LUZP2: variants seen among roughly 807,000 people sequenced by gnomAD.
LUZP2 encodes the protein leucine zipper protein 2.
LUZP2 carries 52 observed loss-of-function variants against 51.6 expected under a neutral mutation model. That is an observed-to-expected ratio of 1.01 (90% CI 0.81 to 1.27). The LOEUF is 1.27. Ranked by LOEUF, LUZP2 falls within the 50% of genes most tolerant of loss-of-function variation. The pLI, the probability that LUZP2 is intolerant of heterozygous loss-of-function variation, is 0.00. For synonymous variants in LUZP2, 154 were observed against 137.3 expected, an observed-to-expected ratio of 1.12 and a Z score of -0.85; for missense variants, 436 against 395.4, an observed-to-expected ratio of 1.10 and a Z score of -0.87.
chr11:24,575,020 C>G (rs1271649254), intron 1 of LUZP2, among the ~76,000 whole-genome samples: 1 of 152,092 alleles, frequency 6.6e-6, no homozygotes, highest in African/African-American at 2.4e-5. Flanking sequence ...ATAGATTACT[C>G]TTTGCAAAGT....
chr11:24,763,840 T>G (rs1353960717), intron 5 of LUZP2, among the ~76,000 whole-genome samples: 1 of 152,204 alleles, frequency 6.6e-6, no homozygotes, highest in Non-Finnish European at 1.5e-5. Flanking sequence ...TTACTTTAAT[T>G]TTTTATAATT....
At chr11:24,512,959 C>T (rs185213715) in intron 1 of LUZP2, among the ~76,000 whole-genome samples, 196 of 152,124 alleles carry the variant, frequency 1.3e-3, no homozygotes, top group Non-Finnish European at 2.0e-3. Context: ...GGTTTCACCA[C>T]GTTGCCCAGG....
chr11:24,756,660 T>A (rs1859788003), intron 4 of LUZP2, among the ~76,000 whole-genome samples: 1 of 152,168 alleles, frequency 6.6e-6, no homozygotes, highest in South Asian at 2.1e-4. Context: ...TTTCTTCTGC[T>A]CCCATACCAC....
At chr11:24,998,346 A>C (rs1401271189) in intron 9 of LUZP2, among the ~76,000 whole-genome samples, 8 of 152,064 alleles carry the variant, frequency 5.3e-5, no homozygotes, top group Admixed American at 5.2e-4. Flanking sequence ...GTCCCTTGTA[A>C]GTTGGATTCT....
chr11:24,609,136 C>T (rs1854033326), intron 1 of LUZP2, among the ~76,000 whole-genome samples: 1 of 152,086 alleles, frequency 6.6e-6, no homozygotes, highest in Non-Finnish European at 1.5e-5. Flanking sequence ...ACTACCGAGG[C>T]ACTGACCACC....
At chr11:24,982,126 T>A (rs969113610) in intron 8 of LUZP2, among the ~76,000 whole-genome samples, 5 of 151,796 alleles carry the variant, frequency 3.3e-5, no homozygotes, top group African/African-American at 1.2e-4. Flanking sequence ...GGTTGTGAGG[T>A]TGCAGAGAAA....
At chr11:24,657,750 G>A (rs1456455647) in intron 1 of LUZP2, among the ~76,000 whole-genome samples, 2 of 152,078 alleles carry the variant, frequency 1.3e-5, no homozygotes. Flanking sequence ...CAAAATCAAT[G>A]TACAAAAATC....
chr11:25,010,728 T>TGTGTG (rs1856961003), intron 9 of LUZP2, among the ~76,000 whole-genome samples: 1 of 151,900 alleles, frequency 6.6e-6, no homozygotes, highest in African/African-American at 2.4e-5. Context: ...ACACATGTAG[T>TGTGTG]CCCAGCTACT....
intron 7 of LUZP2, among the ~76,000 whole-genome samples, chr11:24,919,986 G>C (rs920841410): frequency 6.6e-6 from 1 of 151,730 alleles, no homozygotes; most frequent in Non-Finnish European, 1.5e-5. Flanking sequence ...ACCATGACAA[G>C]TTGTGTTCCT....
At chr11:24,618,834 C>T (rs1056357082) in intron 1 of LUZP2, among the ~76,000 whole-genome samples, 1 of 151,948 alleles carries the variant, frequency 6.6e-6, no homozygotes, top group African/African-American at 2.4e-5. Context: ...AAACGGAATA[C>T]GCCTAATTTT....
chr11:24,598,292 T>C (rs1853512439), intron 1 of LUZP2, among the ~76,000 whole-genome samples: 1 of 151,894 alleles, frequency 6.6e-6, no homozygotes, highest in African/African-American at 2.4e-5. Flanking sequence ...ATTAGTAAAA[T>C]ATAAGCAATC....
intron 9 of LUZP2, among the ~76,000 whole-genome samples, chr11:24,996,636 T>A (rs1292735907): frequency 7.9e-5 from 11 of 140,110 alleles, no homozygotes; most frequent in African/African-American, 2.8e-4. Context: ...TATTTTATTA[T>A]ACTTTAAGTT....
intron 5 of LUZP2, among the ~76,000 whole-genome samples, chr11:24,879,693 T>C (rs1852394541): frequency 6.6e-6 from 1 of 152,200 alleles, no homozygotes. Flanking sequence ...TTTTTCCATA[T>C]GTTTGTTGGC....
At chr11:24,949,431 G>A (rs779261771) in intron 7 of LUZP2, among the ~76,000 whole-genome samples, 6 of 151,272 alleles carry the variant, frequency 4.0e-5, no homozygotes, top group Non-Finnish European at 8.9e-5. Flanking sequence ...AACACCATTG[G>A]TTGTATTAGT....
At chr11:24,969,928 G>A (rs769570142) in intron 7 of LUZP2, among the ~76,000 whole-genome samples, 5 of 152,088 alleles carry the variant, frequency 3.3e-5, no homozygotes, top group East Asian at 1.9e-4. Context: ...ACACACACAC[G>A]CATACACTTT....
intron 1 of LUZP2, among the ~76,000 whole-genome samples, chr11:24,585,469 A>T (rs1266127819): frequency 1.3e-5 from 2 of 152,130 alleles, no homozygotes; most frequent in African/African-American, 4.8e-5. Flanking sequence ...AATTGCTTAA[A>T]CCAACAGAAA....
At chr11:24,615,444 G>C (rs1016848398) in intron 1 of LUZP2, among the ~76,000 whole-genome samples, 1 of 151,990 alleles carries the variant, frequency 6.6e-6, no homozygotes, top group Non-Finnish European at 1.5e-5. Context: ...ATTTTATCCA[G>C]TGTAATTCTC....
At chr11:24,985,058 G>A (rs550474319) in intron 9 of LUZP2, among the ~76,000 whole-genome samples, 20 of 151,452 alleles carry the variant, frequency 1.3e-4, no homozygotes, top group East Asian at 3.9e-4. Context: ...ATAAATTTTC[G>A]TATAAATTCT....
chr11:24,576,412 C>CAAAAAAAAAAA, intron 1 of LUZP2, among the ~76,000 whole-genome samples: 1 of 75,162 alleles, frequency 1.3e-5, no homozygotes, highest in Non-Finnish European at 2.4e-5. Flanking sequence ...GACTCCATCT[C>CAAAAAAAAAAA]AAAAAAAAAA....
Sources: gnomAD v4.1 joint callset for allele counts (sites outside exome capture counted in the v4.1 genomes callset) on GRCh38, gnomAD v4.1.1 for gene constraint, MANE v1.5 for transcripts, NCBI Gene and HGNC (gene_info 2026-07-23, HGNC 2026-07-21) for gene names.